RMDN2: variants seen among roughly 807,000 people sequenced by gnomAD.
The protein encoded by RMDN2 is regulator of microtubule dynamics 2, also known as regulator of microtubule dynamics protein 2.
RMDN2 carries 61 observed loss-of-function variants against 52.8 expected under a neutral mutation model. That is an observed-to-expected ratio of 1.16 (90% CI 0.94 to 1.43). The LOEUF (loss-of-function observed/expected upper bound fraction) is 1.43. RMDN2 is among the 40% of genes most tolerant of loss of function. The probability of loss-of-function intolerance (pLI) is 0.00; values close to 1 mark genes in which losing one functional copy is unlikely to be tolerated. For synonymous variants in RMDN2, 180 were observed against 153.1 expected (o/e 1.18, Z -1.30); for missense variants, 592 against 475.3 (o/e 1.25, Z -2.28).
intron 10 of RMDN2, among the ~76,000 whole-genome samples, chr2:38,016,106 C>T (rs371039072): frequency 5.8e-4 from 88 of 152,286 alleles, no homozygotes; most frequent in African/African-American, 1.9e-3. Context: ...CACTTCTGTA[C>T]GCAAAGGAGA....
chr2:38,003,513 A>G (rs1676591788), intron 8 of RMDN2, among the ~76,000 whole-genome samples: 1 of 151,916 alleles, frequency 6.6e-6, no homozygotes, highest in Non-Finnish European at 1.5e-5. Context: ...AGATCGCGCC[A>G]CTGCACTCCA....
chr2:37,997,880 C>A, intron 8 of RMDN2: 1 of 188,812 alleles, frequency 5.3e-6, no homozygotes, highest in Non-Finnish European at 1.1e-5. Flanking sequence ...CCCAGTCCTC[C>A]TGATTAGCCT....
intron 10 of RMDN2, chr2:38,030,041 T>G (rs530008150): frequency 6.6e-6 from 1 of 152,074 alleles, no homozygotes. Flanking sequence ...TCCCCCGTGA[T>G]TCAGTTACCT....
At chr2:37,927,172 G>T (rs1164382284) in intron 1 of RMDN2, among the ~76,000 whole-genome samples, 1 of 152,006 alleles carries the variant, frequency 6.6e-6, no homozygotes, top group East Asian at 1.9e-4. Context: ...AATTTTTGTG[G>T]TTCTGAAATA....
At chr2:38,016,069 A>G (rs1678732043) in intron 10 of RMDN2, among the ~76,000 whole-genome samples, 1 of 152,254 alleles carries the variant, frequency 6.6e-6, no homozygotes, top group Non-Finnish European at 1.5e-5. Flanking sequence ...TCATATAGCT[A>G]TGCAGCTGAC....
intron 2 of RMDN2, among the ~76,000 whole-genome samples, chr2:37,945,712 A>T (rs1284007765): frequency 1.3e-5 from 2 of 152,166 alleles, no homozygotes; most frequent in Non-Finnish European, 2.9e-5. Flanking sequence ...AATGTTTTAT[A>T]TTTATTATCT....
At chr2:38,043,208 C>G (rs1295531942) in intron 10 of RMDN2, among the ~76,000 whole-genome samples, 1 of 152,154 alleles carries the variant, frequency 6.6e-6, no homozygotes, top group Non-Finnish European at 1.5e-5. Flanking sequence ...ATTGTTATGT[C>G]TTCTTGGAGA....
At chr2:38,016,908 C>T (rs1039163503) in intron 10 of RMDN2, among the ~76,000 whole-genome samples, 4 of 151,244 alleles carry the variant, frequency 2.6e-5, no homozygotes, top group Admixed American at 1.3e-4. Flanking sequence ...ACTCATAGAG[C>T]GACACTCCAG....
At chr2:37,971,374 T>A (rs922743451) in intron 2 of RMDN2, among the ~76,000 whole-genome samples, 1 of 152,166 alleles carries the variant, frequency 6.6e-6, no homozygotes, top group Non-Finnish European at 1.5e-5. Flanking sequence ...CTTATCAAAA[T>A]AAACTGATCA....
intron 10 of RMDN2, among the ~76,000 whole-genome samples, chr2:38,005,280 G>A (rs2125198099): frequency 6.6e-6 from 1 of 152,354 alleles, no homozygotes; most frequent in South Asian, 2.1e-4. Context: ...TCGCCACACT[G>A]ACTTGCACAA....
intron 10 of RMDN2, among the ~76,000 whole-genome samples, chr2:38,011,133 G>C (rs1677927421): frequency 6.6e-6 from 1 of 152,336 alleles, no homozygotes; most frequent in South Asian, 2.1e-4. Context: ...TAAGGGGAGT[G>C]ACCATGGGTT....
In RMDN2 at chr2:37,952,264, T is replaced by C. The variant is rs1344177035; in HGVS notation, c.453-21776T>C. 3.4e-6 allele frequency: 5 copies of C among 1,460,338 alleles called. No homozygotes were observed. In the African/African-American group the frequency reaches 4.4e-5, roughly 13 times the overall value. 90.5% of individuals were successfully genotyped at this position (1,460,338 alleles called of 1,614,324 possible). ...CAAATAGTTTTCCCACCAGTCACTT[T>C]CATAGCCTGTAGAATTCATTTCTCA... is the stretch of plus-strand genomic sequence containing the variant. On this transcript the variant is annotated intron_variant, in intron 2 of 10. Coordinates refer to ENST00000354545, the MANE Select transcript of RMDN2 (RefSeq NM_001170791.3).
intron 2 of RMDN2, among the ~76,000 whole-genome samples, chr2:37,939,374 T>C (rs1286181276): frequency 6.6e-6 from 1 of 152,192 alleles, no homozygotes; most frequent in Non-Finnish European, 1.5e-5. Context: ...TCTGTTGATG[T>C]GTGGTGGAGA....
At chr2:38,026,829 AAT>A (rs1441060664) in intron 10 of RMDN2, 1 of 152,196 alleles carries the variant, frequency 6.6e-6, no homozygotes, top group Non-Finnish European at 1.5e-5. Context: ...TACAAATTTT[AAT>A]ATGTTATATT....
intron 10 of RMDN2, chr2:38,029,774 A>T (rs1242236772): frequency 6.6e-6 from 1 of 152,074 alleles, no homozygotes; most frequent in Non-Finnish European, 1.5e-5. Context: ...GAGATAGTGT[A>T]TTAGTCCGTT....
intron 5 of RMDN2, among the ~76,000 whole-genome samples, chr2:37,982,522 C>T (rs556066981): frequency 6.6e-6 from 1 of 152,270 alleles, no homozygotes; most frequent in Non-Finnish European, 1.5e-5. Flanking sequence ...GTCTCTTCCT[C>T]CCTCTGGTGA....
chr2:38,025,673 A>G (rs937297176), intron 10 of RMDN2, among the ~76,000 whole-genome samples: 1 of 151,756 alleles, frequency 6.6e-6, no homozygotes, highest in African/African-American at 2.4e-5. Flanking sequence ...AGTTTTTTTT[A>G]TGGAATTAAT....
At chr2:37,966,479 G>A (rs947064037) in intron 2 of RMDN2, among the ~76,000 whole-genome samples, 5 of 150,816 alleles carry the variant, frequency 3.3e-5, no homozygotes, top group East Asian at 1.9e-4. Context: ...GGCTTTGGCC[G>A]TTGTTTCTTC....
chr2:37,946,444 C>T (rs1668228605), intron 2 of RMDN2, among the ~76,000 whole-genome samples: 1 of 152,182 alleles, frequency 6.6e-6, no homozygotes. Flanking sequence ...ATTTACGTGT[C>T]TTAGGACTTT....
Sources: allele counts gnomAD v4.1 joint callset (sites outside exome capture counted in the v4.1 genomes callset), GRCh38; gene constraint gnomAD v4.1.1; transcripts MANE v1.5; gene names NCBI Gene and HGNC (gene_info 2026-07-23, HGNC 2026-07-21).